Variants in GBP5 observed in about 807,000 individuals in gnomAD.
The protein encoded by GBP5 is guanylate binding protein 5.
Under a neutral mutation model 58.2 loss-of-function variants are expected in GBP5, and 48 were observed. That is an observed-to-expected ratio of 0.83 (90% CI 0.65 to 1.05). The LOEUF is 1.05. Among genes scored for constraint, GBP5 ranks in the 50% least tolerant of loss-of-function variants. The probability of loss-of-function intolerance (pLI) is 0.00; values close to 1 mark genes in which losing one functional copy is unlikely to be tolerated. For missense variants in GBP5, 714 were observed against 686.8 expected (o/e 1.04, Z -0.44); for synonymous variants, 248 against 251.8 (o/e 0.98, Z 0.14).
intron 7 of GBP5, among the ~76,000 whole-genome samples, chr1:89,265,643 G>C (rs991449818): frequency 2.7e-4 from 41 of 149,216 alleles, no homozygotes; most frequent in Non-Finnish European, 5.6e-4. Context: ...CAGGAAAATG[G>C]TGAGAACCCA....
At chr1:89,268,665 TA>T in intron 4 of GBP5, 63 bp downstream of exon 4, 1 of 1,566,374 alleles carries the variant, frequency 6.4e-7, no homozygotes, top group Non-Finnish European at 8.8e-7. Flanking sequence ...AAAATAAACC[TA>T]AAATCTCCCT....
intron 11 of GBP5, 47 bp from the exon 12 acceptor site, chr1:89,260,864 C>T (rs1300191659): frequency 7.6e-7 from 1 of 1,319,306 alleles, no homozygotes; most frequent in Non-Finnish European, 1.1e-6. Context: ...TTACTGATTG[C>T]CTAAATCACT....
chr1:89,267,165 T>C lies in GBP5; in HGVS notation c.429-12A>G. On this transcript the variant is annotated splice_polypyrimidine_tract_variant and intron_variant, in intron 5 of 11. Transcript: ENST00000370459. ...GTTCTGTCACATTGCTGAGATGCAA[T>C]TAAAGAAAACTGGCAGAAATAGGAC... 6.4e-7 allele frequency: 1 copy of C among 1,570,218 alleles called. No individual in the cohort carries two copies. The highest frequency in any genetic ancestry group is 8.6e-7 in the Non-Finnish European group (1 of 1,161,370).
At position 89,263,864 on chromosome 1, in the gene GBP5, T is replaced by C. The variant is rs1268876937; in HGVS notation, c.1234A>G (p.Ile412Val). The change falls in exon 9 of 12, where the codon ATT becomes GTT. Residue 412 changes from isoleucine to valine, a missense_variant. By Grantham distance (29) the Ile-to-Val change is conservative. Transcript: ENST00000370459. Reference sequence around the variant, plus strand: ...ACTGCTTCTTCTAGAGGACCAAAAATATCCTTAAGTAAAGCCGAGCAATAA... The same window carrying C: ...ACTGCTTCTTCTAGAGGACCAAAAACATCCTTAAGTAAAGCCGAGCAATAA... ...SDYCSALLKD[I>V]FGPLEEAVKQ... 6.2e-6 allele frequency: 10 copies of C among 1,612,626 alleles called. No homozygotes were observed. The South Asian group carries it at 7.7e-5, about 12-fold the overall frequency.
Position 89,263,682 on chromosome 1 carries a change from G to A in GBP5, c.1362+54C>T. The A allele has an allele frequency of 4.6e-6, 6 of 1,296,944 alleles. No homozygotes were observed. In the South Asian group the frequency reaches 5.9e-5, roughly 13 times the overall value. The allele number at this position is 1,296,944 out of a possible 1,614,324, so 80.3% of individuals were successfully genotyped here. A position where few individuals can be genotyped will look rare whatever the true frequency, so the allele number is the denominator to read the frequency against. On this transcript the variant is annotated intron_variant, in intron 9 of 11. Coordinates refer to ENST00000370459, the MANE Select transcript of GBP5 (RefSeq NM_052942.5). ...CATGGCAATTTTCCTGTTCTCACTG[G>A]TTTTACAAAGAGGTCCCTCAGCAAT... is the stretch of plus-strand genomic sequence containing the variant.
At chr1:89,265,410 G>T (rs180696397) in intron 7 of GBP5, among the ~76,000 whole-genome samples, 38 of 151,236 alleles carry the variant, frequency 2.5e-4, no homozygotes, top group South Asian at 2.1e-4. Flanking sequence ...CTAGGATACA[G>T]AATTCCTTTT....
chr1:89,269,357 A>C lies in GBP5; in HGVS notation c.190+9T>G, dbSNP rs538631215. ...AAGGGTTTGGCAGAGCTTTGCTGGT[A>C]CCACTCACCCTTGTTCTTCCCAGCC... On this transcript the variant is annotated intron_variant, in intron 3 of 11. Transcript: ENST00000370459. 2 of 1,613,462 alleles carry C rather than the reference A, an allele frequency of 1.2e-6. No individual in the cohort carries two copies. The highest frequency in any genetic ancestry group is 2.7e-5 in the African/African-American group (2 of 74,996).
chr1:89,261,453 A>C (rs969440222), intron 11 of GBP5, among the ~76,000 whole-genome samples: 5 of 152,204 alleles, frequency 3.3e-5, no homozygotes, highest in African/African-American at 1.2e-4. Flanking sequence ...AGGTCTGAAG[A>C]AGCAAAAACA....
In GBP5 at chr1:89,257,399, T is replaced by C. The variant is rs930158500; in HGVS notation, c.*3305A>G. Among the ~76,000 whole-genome samples, 1 of 152,160 alleles carries C rather than the reference T, an allele frequency of 6.6e-6. No homozygotes were observed. The highest frequency in any genetic ancestry group is 1.5e-5 in the Non-Finnish European group (1 of 68,026). On this transcript the variant is annotated 3_prime_UTR_variant, in exon 12 of 12. Transcript: ENST00000370459. ...TGGTCCCTCCCACAACACGTGGGCA[T>C]TATGGGAGCCATAATTCAAGATGAG...
At chr1:89,271,511 T>C (rs1331661529) in intron 1 of GBP5, 2 of 151,928 alleles carry the variant, frequency 1.3e-5, no homozygotes, top group Non-Finnish European at 2.9e-5. Context: ...TGCTCAGAAG[T>C]GGTAGTGGAA....
In GBP5 at chr1:89,272,560, C is replaced by A; in HGVS notation, c.-236G>T. The A allele has an allele frequency of 6.4e-6, 1 of 157,360 alleles. No homozygotes were observed. The highest frequency in any genetic ancestry group is 1.4e-5 in the Non-Finnish European group (1 of 72,174). The allele number at this position is 157,360 out of a possible 1,614,324, so 9.7% of individuals were successfully genotyped here. ...AAGGTGGCGTGTCAGGAGTTTGCTC[C>A]TTCTGATGTTCGGATGTGTTTGGAG... is the stretch of plus-strand genomic sequence containing the variant. On this transcript the variant is annotated 5_prime_UTR_variant, in exon 1 of 12. In the 5' UTR this introduces an upstream ATG that the reference lacks. Coordinates refer to ENST00000370459, the MANE Select transcript of GBP5 (RefSeq NM_052942.5).
intron 7 of GBP5, among the ~76,000 whole-genome samples, 171 bp downstream of exon 7, chr1:89,266,175 C>T (rs1650204642): frequency 6.6e-6 from 1 of 152,198 alleles, no homozygotes; most frequent in South Asian, 2.1e-4. Flanking sequence ...TTACTACACA[C>T]ACTTAGTAAT....
At chr1:89,268,184 T>G (rs531988732) in intron 4 of GBP5, among the ~76,000 whole-genome samples, 1 of 152,362 alleles carries the variant, frequency 6.6e-6, no homozygotes. Flanking sequence ...CAGAAAATAG[T>G]CAAGTGCTAC....
intron 4 of GBP5, among the ~76,000 whole-genome samples, chr1:89,268,218 G>T (rs1385864341): frequency 6.6e-6 from 1 of 152,114 alleles, no homozygotes; most frequent in Non-Finnish European, 1.5e-5. Flanking sequence ...TTTTGTTTTT[G>T]TTATTTTGTC....
intron 6 of GBP5, 21 bp from the exon 7 acceptor site, chr1:89,266,609 T>A (rs774554369): frequency 6.3e-7 from 1 of 1,598,000 alleles, no homozygotes; most frequent in African/African-American, 1.3e-5. Flanking sequence ...AAAAATAGGA[T>A]TTATTTAGCA....
chr1:89,265,962 T>G (rs191437666), intron 7 of GBP5, among the ~76,000 whole-genome samples: 87 of 152,318 alleles, frequency 5.7e-4, no homozygotes, highest in African/African-American at 1.7e-3. Flanking sequence ...TGTTTAAAGT[T>G]TGTTATCAAC....
rs747198244 is a variant in GBP5, at chr1:89,267,428, G to A, written c.417C>T (p.Ile139=). The A allele has an allele frequency of 4.3e-6, 7 of 1,611,012 alleles. No homozygotes were observed. Among genetic ancestry groups the A allele is most frequent in the East Asian group, 2.2e-5 (1 of 44,878 alleles). The change falls in exon 5 of 12, where the codon ATC becomes ATT. Residue 139 remains isoleucine (I), a synonymous_variant. Transcript: ENST00000370459. The part of the protein sequence containing the change: ...NTVNKIDQGA[I]DLLHNVTELT... ...CCACAAAAGGATACTGCAGTAGGTC[G>A]ATAGCACCCTGATCAATTTTGTTCA...
chr1:89,263,675 C>T, intron 9 of GBP5, 61 bp downstream of exon 9: 2 of 1,187,966 alleles, frequency 1.7e-6, no homozygotes, highest in Non-Finnish European at 1.3e-6. Context: ...TTTTCCTGTT[C>T]TCACTGGTTT....
intron 6 of GBP5, 151 bp from the exon 7 acceptor site, chr1:89,266,739 A>T (rs1309234296): frequency 8.7e-6 from 7 of 807,180 alleles, no homozygotes; most frequent in Non-Finnish European, 1.3e-5. Flanking sequence ...CTAATCAGGG[A>T]AAGTAAAAAA....
Sources: gnomAD v4.1 joint callset for allele counts (sites outside exome capture counted in the v4.1 genomes callset) on GRCh38, gnomAD v4.1.1 for gene constraint, MANE v1.5 for transcripts, NCBI Gene and HGNC (gene_info 2026-07-23, HGNC 2026-07-21) for gene names.